PCDHA9: variants seen among roughly 807,000 people sequenced by gnomAD.
PCDHA9 encodes protocadherin alpha-9.
In PCDHA9, 62 loss-of-function variants were observed where a neutral mutation model predicts 62.0. The observed-to-expected ratio is 1.00, with a 90% CI of 0.81 to 1.23. The LOEUF (loss-of-function observed/expected upper bound fraction) is 1.23, where lower values mean the gene tolerates loss of function less well. Ranked by LOEUF, PCDHA9 falls within the 50% of genes most tolerant of loss-of-function variation. PCDHA9 has a pLI of 0.00. For missense variants in PCDHA9, 1,205 were observed against 1,249.8 expected (o/e 0.96, Z 0.54); for synonymous variants, 557 against 567.6 (o/e 0.98, Z 0.27).
At chr5:140,916,273 G>C (rs962847536) in intron 1 of PCDHA9, among the ~76,000 whole-genome samples, 7 of 152,176 alleles carry the variant, frequency 4.6e-5, no homozygotes, top group African/African-American at 1.7e-4. Flanking sequence ...CATGCTTGTT[G>C]CTCTACTCCA....
intron 3 of PCDHA9, among the ~76,000 whole-genome samples, chr5:140,995,541 G>T (rs1444257516): frequency 6.6e-5 from 10 of 152,186 alleles, no homozygotes; most frequent in Non-Finnish European, 1.3e-4. Context: ...CAAATAAGGG[G>T]CGATCACTGT....
At position 141,007,395 on chromosome 5, in the gene PCDHA9, C is replaced by CA. The variant is rs35800918; in HGVS notation, c.2543-2209dup. 5.3e-3 allele frequency among the ~76,000 whole-genome samples: 498 copies of CA among 94,810 alleles called. 4 individuals carry two copies. The highest frequency in any genetic ancestry group is 0.049 in the East Asian group (166 of 3,398). 62.2% of individuals were successfully genotyped at this position (94,810 alleles called of 152,430 possible). On this transcript the variant is annotated intron_variant, in intron 3 of 3. Transcript: ENST00000532602. The stretch of plus-strand genomic sequence containing the variant: ...ATGGAACACCATCTCTACTAAAATA[C>CA]AAAAAAAAAAAAAAAAAAAAAAATT...
intron 3 of PCDHA9, among the ~76,000 whole-genome samples, chr5:141,002,404 C>T (rs1167193365): frequency 2.0e-5 from 3 of 152,200 alleles, no homozygotes; most frequent in African/African-American, 7.2e-5. Context: ...CTCTGTGCCT[C>T]CCAAATAGTA....
chr5:140,957,630 C>A (rs2095372065), intron 1 of PCDHA9, among the ~76,000 whole-genome samples: 1 of 152,000 alleles, frequency 6.6e-6, no homozygotes, highest in Non-Finnish European at 1.5e-5. Context: ...CACACACTTT[C>A]AGAAATGCAC....
intron 1 of PCDHA9, chr5:140,866,231 A>G (rs1467927263): frequency 1.3e-5 from 2 of 152,172 alleles, no homozygotes; most frequent in Non-Finnish European, 2.9e-5. Context: ...ACTAAATACT[A>G]TATACCAAAA....
chr5:140,869,504 C>A (rs959374162), intron 1 of PCDHA9: 5 of 1,614,200 alleles, frequency 3.1e-6, no homozygotes, highest in Non-Finnish European at 4.2e-6. Flanking sequence ...CCGGTGTTCT[C>A]GCTCAGAGAA....
intron 1 of PCDHA9, chr5:140,883,933 G>C: frequency 6.2e-7 from 1 of 1,613,398 alleles, no homozygotes; most frequent in Non-Finnish European, 8.5e-7. Flanking sequence ...AGGTGTTCGT[G>C]CTGGACGAGA....
chr5:140,869,320 G>T, intron 1 of PCDHA9: 1 of 1,613,846 alleles, frequency 6.2e-7, no homozygotes, highest in Non-Finnish European at 8.5e-7. Context: ...AACACATGGG[G>T]ACCTTCTGGA....
At chr5:140,965,538 A>G (rs1554227750) in intron 1 of PCDHA9, among the ~76,000 whole-genome samples, 1 of 151,958 alleles carries the variant, frequency 6.6e-6, no homozygotes, top group Non-Finnish European at 1.5e-5. Flanking sequence ...TGGAATCCAA[A>G]TTCCAGCCTG....
chr5:140,928,637 A>C (rs781828981), intron 1 of PCDHA9: 1 of 1,614,202 alleles, frequency 6.2e-7, no homozygotes, highest in South Asian at 1.1e-5. Context: ...TTGGTCACAA[A>C]AGTGGTAGCA....
At chr5:140,891,196 A>C (rs1043715116) in intron 1 of PCDHA9, among the ~76,000 whole-genome samples, 5 of 151,974 alleles carry the variant, frequency 3.3e-5, no homozygotes, top group Non-Finnish European at 7.4e-5. Context: ...GATATTTTGC[A>C]GTTTTACCAT....
In PCDHA9 at chr5:140,911,791, C is replaced by G. The variant is rs567528220; in HGVS notation, c.2394+60902C>G. 3.9e-5 allele frequency among the ~76,000 whole-genome samples: 6 copies of G among 152,230 alleles called. No homozygotes were observed. The East Asian group carries it at 9.6e-4, about 24-fold the overall frequency. ...AGTACAGTCCTTAGCATTTTTGGGT[C>G]TAATCATATTAAGCAGCCTTCTCCA... On this transcript the variant is annotated intron_variant, in intron 1 of 3. Transcript: ENST00000532602.
intron 1 of PCDHA9, among the ~76,000 whole-genome samples, chr5:140,892,991 A>G (rs1477087965): frequency 1.3e-5 from 2 of 152,196 alleles, no homozygotes; most frequent in African/African-American, 2.4e-5. Context: ...TATAAGTGAG[A>G]ACATGTATTT....
At chr5:140,928,469 A>G in intron 1 of PCDHA9, 1 of 1,614,144 alleles carries the variant, frequency 6.2e-7, no homozygotes, top group Non-Finnish European at 8.5e-7. Context: ...TTCCAAGTAG[A>G]AGGCCGGGAT....
intron 1 of PCDHA9, among the ~76,000 whole-genome samples, chr5:140,977,613 G>T (rs1554238687): frequency 2.0e-5 from 3 of 152,150 alleles, no homozygotes; most frequent in African/African-American, 7.2e-5. Flanking sequence ...TTGAGGTAAA[G>T]TATCCCAGAG....
At chr5:140,958,923 T>C (rs535689053) in intron 1 of PCDHA9, among the ~76,000 whole-genome samples, 1 of 148,814 alleles carries the variant, frequency 6.7e-6, no homozygotes, top group South Asian at 2.1e-4. Flanking sequence ...CTGGGTGTGG[T>C]GGCTCATACT....
chr5:140,924,944 TA>T (rs11334471), intron 1 of PCDHA9, among the ~76,000 whole-genome samples: 51,245 of 142,818 alleles, frequency 0.36, 9,188 homozygotes, highest in East Asian at 0.56. Flanking sequence ...AATAAAAAGT[TA>T]AAAAAAAAAT....
intron 1 of PCDHA9, chr5:140,928,541 AC>A: frequency 3.7e-6 from 6 of 1,614,192 alleles, no homozygotes; most frequent in Non-Finnish European, 5.1e-6. Context: ...GATAGGAATG[AC>A]AATTATCCGG....
intron 1 of PCDHA9, among the ~76,000 whole-genome samples, chr5:140,890,854 T>G (rs1320462436): frequency 6.6e-6 from 1 of 152,232 alleles, no homozygotes; most frequent in Non-Finnish European, 1.5e-5. Context: ...TTTCTCTTCC[T>G]TACTTCTTGC....
Sources: allele counts gnomAD v4.1 joint callset (sites outside exome capture counted in the v4.1 genomes callset), GRCh38; gene constraint gnomAD v4.1.1; transcripts MANE v1.5; gene names NCBI Gene and HGNC (gene_info 2026-07-23, HGNC 2026-07-21).